The following RFX3 variants were observed in gnomAD, a reference collection of about 807,000 sequenced individuals.
The protein encoded by RFX3 is transcription factor RFX3.
Under a neutral mutation model 98.6 loss-of-function variants are expected in RFX3, and 14 were observed. That is an observed-to-expected ratio of 0.14 (90% CI 0.09 to 0.22). The LOEUF is 0.22. RFX3 is among the 10% of genes least tolerant of loss of function. The pLI, the probability that RFX3 is intolerant of heterozygous loss-of-function variation, is 1.00. For synonymous variants in RFX3, 383 were observed against 328.4 expected, an observed-to-expected ratio of 1.17 and a Z score of -1.80; for missense variants, 639 against 926.9, an observed-to-expected ratio of 0.69 and a Z score of 4.03.
chr9:3,238,457 G>A (rs1190621641), intron 15 of RFX3, among the ~76,000 whole-genome samples: 1 of 152,192 alleles, frequency 6.6e-6, no homozygotes, highest in Non-Finnish European at 1.5e-5. Context: ...TTACACAACT[G>A]GAAATAGCTG....
chr9:3,240,609 T>TA (rs1819783499), intron 15 of RFX3, among the ~76,000 whole-genome samples: 2 of 152,210 alleles, frequency 1.3e-5, no homozygotes, highest in African/African-American at 4.8e-5. Context: ...ATAAGGCCCA[T>TA]ATTCTTGCAG....
At chr9:3,367,677 C>G (rs1837366544) in intron 2 of RFX3, among the ~76,000 whole-genome samples, 1 of 152,226 alleles carries the variant, frequency 6.6e-6, no homozygotes, top group Non-Finnish European at 1.5e-5. Flanking sequence ...CTCGGAACCA[C>G]TTCCCCTTTC....
At chr9:3,366,719 T>TTTCTTTCC (rs1837223805) in intron 2 of RFX3, among the ~76,000 whole-genome samples, 2 of 144,452 alleles carry the variant, frequency 1.4e-5, no homozygotes, top group African/African-American at 5.1e-5. Flanking sequence ...TCTTTCTTTC[T>TTTCTTTCC]TTCTTTCTTT....
chr9:3,383,050 T>A (rs1839355517), intron 2 of RFX3, among the ~76,000 whole-genome samples: 1 of 152,194 alleles, frequency 6.6e-6, no homozygotes, highest in African/African-American at 2.4e-5. Flanking sequence ...AATGTTCTTC[T>A]TTTAATACAA....
At chr9:3,250,848 C>T (rs2131004414) in intron 14 of RFX3, among the ~76,000 whole-genome samples, 1 of 152,044 alleles carries the variant, frequency 6.6e-6, no homozygotes, top group South Asian at 2.1e-4. Context: ...AGCTCATTTA[C>T]ATAAAAACAC....
intron 5 of RFX3, among the ~76,000 whole-genome samples, chr9:3,295,128 A>G (rs1486044864): frequency 6.6e-6 from 1 of 152,058 alleles, no homozygotes; most frequent in Admixed American, 6.6e-5. Context: ...TATAAAAGAG[A>G]TAAGGCAGTC....
At chr9:3,423,955 G>A (rs192168230) in intron 1 of RFX3, among the ~76,000 whole-genome samples, 69 of 151,636 alleles carry the variant, frequency 4.6e-4, no homozygotes, top group African/African-American at 1.6e-3. Context: ...AGACCATCCC[G>A]GCTAACATGG....
At position 3,465,963 on chromosome 9, in the gene RFX3, T is replaced by A. The variant is rs192514025; in HGVS notation, c.-9+59784A>T. 6.6e-5 allele frequency among the ~76,000 whole-genome samples: 10 copies of A among 152,192 alleles called. No homozygotes were observed. In the East Asian group the frequency reaches 1.9e-3, roughly 29 times the overall value. ...TAGCTGTGACCATATGAACAACATT[T>A]TCAGTGGTCAGAGTAGAGACAACAT... On this transcript the variant is annotated intron_variant, in intron 1 of 16. Coordinates refer to ENST00000617270, the MANE Select transcript of RFX3 (RefSeq NM_001282116.2).
chr9:3,525,547 G>A (rs898304606), intron 1 of RFX3, among the ~76,000 whole-genome samples, 200 bp downstream of exon 1: 3 of 151,828 alleles, frequency 2.0e-5, no homozygotes. Context: ...ACCCAGCCGC[G>A]GCGCGCAGGG....
chr9:3,310,652 A>G (rs951359564), intron 4 of RFX3, among the ~76,000 whole-genome samples: 9 of 152,212 alleles, frequency 5.9e-5, no homozygotes, highest in Admixed American at 2.0e-4. Flanking sequence ...AGTAAAGGTA[A>G]GGAATATTAT....
At position 3,356,715 on chromosome 9, in the gene RFX3, G is replaced by A. The variant is rs149265849; in HGVS notation, c.118-9951C>T. On this transcript the variant is annotated intron_variant, in intron 2 of 16. Coordinates refer to ENST00000617270, the MANE Select transcript of RFX3 (RefSeq NM_001282116.2). ...ACTAATGTCTCTCATAAACCTAAATGCAAAAATCTTTAACAAAATATAAGT... is the reference window on the plus strand; with the variant it reads ...ACTAATGTCTCTCATAAACCTAAATACAAAAATCTTTAACAAAATATAAGT... Among the ~76,000 whole-genome samples the A allele has an allele frequency of 1.1e-3, 171 of 151,782 alleles. No homozygotes were observed. The East Asian group carries it at 0.02, about 17-fold the overall frequency.
Position 3,225,170 on chromosome 9 carries a change from T to C in RFX3, c.2122A>G (p.Met708Val), listed in dbSNP as rs537423142. ...ELSQAFPVGC[M>V]QPVLETGVQP... ...ACGCCAGTCTCGAGAACAGGCTGCA[T>C]GCAGCCCACTGGAAATGCCTGGCTC... is the stretch of plus-strand genomic sequence containing the variant. The change falls in exon 17 of 17, where the codon ATG becomes GTG. Residue 708 changes from methionine to valine, a missense_variant. Met to Val is a conservative substitution (Grantham distance 21). Coordinates refer to ENST00000617270, the MANE Select transcript of RFX3 (RefSeq NM_001282116.2). 1.9e-6 allele frequency: 3 copies of C among 1,613,998 alleles called. No homozygotes were observed. Among genetic ancestry groups the C allele is most frequent in the South Asian group, 2.2e-5 (2 of 91,092 alleles).
chr9:3,257,705 A>G (rs618866), intron 13 of RFX3, among the ~76,000 whole-genome samples: 149,914 of 152,332 alleles, frequency 0.98, 73,810 homozygotes, highest in Middle Eastern at 1. Context: ...AACAAACACT[A>G]AATGATACTA....
At chr9:3,318,006 G>A (rs1468021480) in intron 4 of RFX3, among the ~76,000 whole-genome samples, 2 of 152,188 alleles carry the variant, frequency 1.3e-5, no homozygotes, top group African/African-American at 2.4e-5. Context: ...ATTTGACCCA[G>A]CCATCCCATT....
At chr9:3,343,181 C>T (rs978846629) in intron 3 of RFX3, among the ~76,000 whole-genome samples, 1 of 152,126 alleles carries the variant, frequency 6.6e-6, no homozygotes, top group African/African-American at 2.4e-5. Context: ...GAGTGAGACC[C>T]CATGCATTAT....
chr9:3,234,237 T>C (rs1563774648), intron 15 of RFX3, among the ~76,000 whole-genome samples: 2 of 152,340 alleles, frequency 1.3e-5, no homozygotes, highest in South Asian at 4.1e-4. Context: ...TTTTACGCTT[T>C]ATAGTCCATT....
intron 1 of RFX3, among the ~76,000 whole-genome samples, chr9:3,447,558 C>T (rs1429752307): frequency 6.6e-6 from 1 of 152,110 alleles, no homozygotes; most frequent in African/African-American, 2.4e-5. Flanking sequence ...CTATTTTCAA[C>T]TTTGTTCTTG....
chr9:3,441,889 TAGAA>T (rs576352389), intron 1 of RFX3, among the ~76,000 whole-genome samples: 71 of 151,850 alleles, frequency 4.7e-4, no homozygotes, highest in African/African-American at 1.7e-3. Context: ...AAACAGAATA[TAGAA>T]AGAGTGAAAA....
chr9:3,245,320 G>C (rs72697096), intron 15 of RFX3, among the ~76,000 whole-genome samples: 20,655 of 152,172 alleles, frequency 0.14, 1,976 homozygotes, highest in African/African-American at 0.27. Flanking sequence ...GTAGTCCAAG[G>C]ATGAGAAAAC....
Sources: allele counts gnomAD v4.1 joint callset (sites outside exome capture counted in the v4.1 genomes callset), GRCh38; gene constraint gnomAD v4.1.1; transcripts MANE v1.5; gene names NCBI Gene and HGNC (gene_info 2026-07-23, HGNC 2026-07-21).